CD109: variants seen among roughly 807,000 people sequenced by gnomAD.
CD109 encodes CD109 antigen.
In CD109, 149 loss-of-function variants were observed where a neutral mutation model predicts 165.8. The observed-to-expected ratio is 0.90, with a 90% CI of 0.79 to 1.03. The LOEUF is 1.03. Ranked by LOEUF, CD109 falls within the 50% of genes least tolerant of loss-of-function variation. The pLI is 0.00. For missense variants in CD109, 1,712 were observed against 1,677.8 expected (o/e 1.02, Z -0.36); for synonymous variants, 585 against 592.1 (o/e 0.99, Z 0.18).
At chr6:73,710,575 G>A (rs897892835) in intron 2 of CD109, among the ~76,000 whole-genome samples, 1 of 151,674 alleles carries the variant, frequency 6.6e-6, no homozygotes, top group Non-Finnish European at 1.5e-5. Context: ...ACAATGCTTG[G>A]TACATAGAAG....
At chr6:73,745,692 C>G (rs1772958325) in intron 5 of CD109, among the ~76,000 whole-genome samples, 1 of 152,144 alleles carries the variant, frequency 6.6e-6, no homozygotes, top group South Asian at 2.1e-4. Context: ...CTCACAGCCT[C>G]TATAACCTTG....
intron 22 of CD109, among the ~76,000 whole-genome samples, chr6:73,791,509 G>A (rs1582166827): frequency 6.6e-6 from 1 of 151,878 alleles, no homozygotes; most frequent in Admixed American, 6.6e-5. Context: ...AAGGAGCCTG[G>A]CTTTTTAAAT....
At chr6:73,767,116 T>G in intron 13 of CD109, 106 bp downstream of exon 13, 2 of 870,952 alleles carry the variant, frequency 2.3e-6, no homozygotes, top group East Asian at 5.3e-5. Flanking sequence ...GCTAAACTCA[T>G]GTCATGGGGG....
intron 15 of CD109, among the ~76,000 whole-genome samples, chr6:73,775,218 G>A (rs938681169): frequency 6.6e-6 from 1 of 151,788 alleles, no homozygotes; most frequent in Non-Finnish European, 1.5e-5. Flanking sequence ...TATATATGAG[G>A]TTATTGTGTA....
chr6:73,757,346 C>A (rs1036791243), intron 6 of CD109, among the ~76,000 whole-genome samples: 6 of 152,268 alleles, frequency 3.9e-5, no homozygotes, highest in African/African-American at 1.4e-4. Flanking sequence ...TCTGTTGTTA[C>A]TACTCAATTT....
At chr6:73,822,796 C>T (rs889629002) in intron 32 of CD109, among the ~76,000 whole-genome samples, 9 of 152,102 alleles carry the variant, frequency 5.9e-5, no homozygotes, top group African/African-American at 2.2e-4. Context: ...AATCTCAAAA[C>T]ACATTTACGA....
At chr6:73,715,821 T>C (rs1331626446) in intron 2 of CD109, among the ~76,000 whole-genome samples, 1 of 152,210 alleles carries the variant, frequency 6.6e-6, no homozygotes, top group African/African-American at 2.4e-5. Context: ...CAAATTGTTA[T>C]TGACTACAGT....
rs553593703 is a variant in CD109 at position 73,816,095 on chromosome 6, C to T, written c.3911+972C>T. ...ACAGCTATTGCCTGGACCCAGTCTC[C>T]GCCATTACTGCTACTGTCTGTCTTT... On this transcript the variant is annotated intron_variant, in intron 30 of 32. Coordinates refer to ENST00000287097, the MANE Select transcript of CD109 (RefSeq NM_133493.5). 1.6e-3 allele frequency among the ~76,000 whole-genome samples: 236 copies of T among 152,254 alleles called. 1 individual carries two copies. The highest frequency in any genetic ancestry group is 5.2e-3 in the African/African-American group (216 of 41,550).
At chr6:73,792,575 G>T (rs1457315029) in intron 22 of CD109, 51 bp from the exon 23 acceptor site, 2 of 1,538,538 alleles carry the variant, frequency 1.3e-6, no homozygotes. Flanking sequence ...CCACCAGCAG[G>T]TCGTTGTTAC....
Position 73,734,181 on chromosome 6 carries a change from T to G in CD109, c.508-2202T>G, listed in dbSNP as rs191271945. Among the ~76,000 whole-genome samples, 82 of 152,314 alleles carry G rather than the reference T, an allele frequency of 5.4e-4. 1 individual carries two copies. Among genetic ancestry groups the G allele is most frequent in the African/African-American group, 2.0e-3 (82 of 41,560 alleles). ...TCTCCCTCTGCCTTATTGGTAACAGTTAGACCTAGGTCCAAGACAGGCTTG... is the reference window on the plus strand; with the variant it reads ...TCTCCCTCTGCCTTATTGGTAACAGGTAGACCTAGGTCCAAGACAGGCTTG... On this transcript the variant is annotated intron_variant, in intron 4 of 32. Transcript: ENST00000287097.
chr6:73,802,274 T>A (rs1199714800), intron 23 of CD109, among the ~76,000 whole-genome samples: 2 of 102,400 alleles, frequency 2.0e-5, no homozygotes, highest in Admixed American at 1.2e-4. Flanking sequence ...TGTGTGTGTG[T>A]GTGTGTGTGT....
Position 73,730,430 on chromosome 6 carries a change from CT to C in CD109, c.365del (p.Leu122TyrfsTer25), listed in dbSNP as rs1056234377. On this transcript the variant is annotated frameshift_variant, in exon 4 of 33. Coordinates refer to ENST00000287097, the MANE Select transcript of CD109 (RefSeq NM_133493.5). LOFTEE classifies it high-confidence loss of function. The stretch of plus-strand genomic sequence containing the variant: ...AGATTTTATTCTCTAATAGTACCCG[CT>C]TATCATTTGAGACCAAGAGAATATC... ...DEILFSNSTR[L>X]SFETKRISVF... 9.3e-6 allele frequency: 15 copies of C among 1,613,266 alleles called. No homozygotes were observed. Among genetic ancestry groups the C allele is most frequent in the Non-Finnish European group, 1.2e-5 (14 of 1,179,314 alleles).
chr6:73,744,113 A>T (rs1329757072), intron 5 of CD109, among the ~76,000 whole-genome samples: 2 of 152,248 alleles, frequency 1.3e-5, no homozygotes, highest in Non-Finnish European at 2.9e-5. Context: ...GTGCATTCAC[A>T]TTGTGGTGCA....
At chr6:73,808,394 C>A (rs1399806422) in intron 26 of CD109, 146 bp downstream of exon 26, 1 of 740,210 alleles carries the variant, frequency 1.4e-6, no homozygotes, top group Non-Finnish European at 2.1e-6. Context: ...ATGGGCCTGA[C>A]ATGGCCACAA....
At chr6:73,802,328 T>A in intron 23 of CD109, among the ~76,000 whole-genome samples, 1 of 141,136 alleles carries the variant, frequency 7.1e-6, no homozygotes, top group African/African-American at 2.6e-5. Flanking sequence ...TTTTTTTTTT[T>A]AGTGGAAACA....
At chr6:73,770,906 G>A (rs1774009912) in intron 14 of CD109, among the ~76,000 whole-genome samples, 2 of 152,174 alleles carry the variant, frequency 1.3e-5, no homozygotes, top group Non-Finnish European at 1.5e-5. Flanking sequence ...AGGCCATGGA[G>A]ACAGAGCATG....
At chr6:73,701,257 A>G (rs1771067769) in intron 2 of CD109, among the ~76,000 whole-genome samples, 2 of 152,070 alleles carry the variant, frequency 1.3e-5, no homozygotes, top group South Asian at 4.1e-4. Flanking sequence ...TGCCTCTACC[A>G]CTATCAGCAT....
rs1394730213 is a variant in CD109 at position 73,827,711 on chromosome 6, A to T, written c.*4078A>T. ...AGACAATACCACATTGCATCATTTTACAAAATATGTTGTCATTTTCATTTC... is the reference window on the plus strand; with the variant it reads ...AGACAATACCACATTGCATCATTTTTCAAAATATGTTGTCATTTTCATTTC... On this transcript the variant is annotated 3_prime_UTR_variant, in exon 33 of 33. Transcript: ENST00000287097. The T allele has an allele frequency of 6.6e-6, 1 of 152,178 alleles. No individual in the cohort carries two copies. The highest frequency in any genetic ancestry group is 1.5e-5 in the Non-Finnish European group (1 of 68,012). 9.4% of individuals were successfully genotyped at this position (152,178 alleles called of 1,614,324 possible). A position where few individuals can be genotyped will look rare whatever the true frequency, so the allele number is the denominator to read the frequency against.
At chr6:73,794,758 C>T (rs1775096892) in intron 23 of CD109, among the ~76,000 whole-genome samples, 4 of 152,102 alleles carry the variant, frequency 2.6e-5, no homozygotes, top group Admixed American at 2.6e-4. Flanking sequence ...CATGCAGACA[C>T]TATGACCGGC....
Sources: allele counts gnomAD v4.1 joint callset (sites outside exome capture counted in the v4.1 genomes callset), GRCh38; gene constraint gnomAD v4.1.1; transcripts MANE v1.5; gene names NCBI Gene and HGNC (gene_info 2026-07-23, HGNC 2026-07-21).